Variants in CFAP61 observed in about 807,000 individuals in gnomAD.
The protein encoded by CFAP61 is cilia and flagella associated protein 61.
A neutral mutation model predicts 135.6 loss-of-function variants in CFAP61; 107 were observed. The ratio of observed to expected loss-of-function variants is 0.79; its 90% CI spans 0.67 to 0.93. CFAP61 has a LOEUF of 0.93. Among genes scored for constraint, CFAP61 ranks in the 40% least tolerant of loss-of-function variants. The pLI is 0.00. For synonymous variants in CFAP61, 575 were observed against 578.5 expected, an observed-to-expected ratio of 0.99 and a Z score of 0.09; for missense variants, 1,507 against 1,556.2, an observed-to-expected ratio of 0.97 and a Z score of 0.53.
At chr20:20,072,315 CTA>C (rs772714958) in intron 3 of CFAP61, among the ~76,000 whole-genome samples, 14 of 151,772 alleles carry the variant, frequency 9.2e-5, no homozygotes, top group Non-Finnish European at 1.9e-4. Context: ...CAGGGTTTCA[CTA>C]TGTTAGCCAG....
chr20:20,261,454 T>G (rs1421847958), intron 20 of CFAP61, among the ~76,000 whole-genome samples: 1 of 152,164 alleles, frequency 6.6e-6, no homozygotes, highest in Non-Finnish European at 1.5e-5. Flanking sequence ...AGACCCTGAG[T>G]GCAGCAAGCC....
intron 1 of CFAP61, among the ~76,000 whole-genome samples, chr20:20,054,013 G>GTTTTTTTT (rs1239349657): frequency 1.7e-5 from 1 of 59,102 alleles, no homozygotes; most frequent in Non-Finnish European, 3.5e-5. Flanking sequence ...TTTTTTGTTT[G>GTTTTTTTT]TTTTTTTTTT....
intron 20 of CFAP61, among the ~76,000 whole-genome samples, chr20:20,261,329 C>T (rs1051084282): frequency 6.6e-6 from 1 of 152,202 alleles, no homozygotes. Flanking sequence ...CCAGCATTTG[C>T]CTGCTTGTCA....
At chr20:20,117,198 G>A (rs1260094779) in intron 8 of CFAP61, among the ~76,000 whole-genome samples, 1 of 152,036 alleles carries the variant, frequency 6.6e-6, no homozygotes, top group Non-Finnish European at 1.5e-5. Flanking sequence ...TACAAAATTA[G>A]CCAGGTATAG....
chr20:20,207,751 T>A (rs2056921829), intron 17 of CFAP61, among the ~76,000 whole-genome samples: 1 of 152,246 alleles, frequency 6.6e-6, no homozygotes, highest in South Asian at 2.1e-4. Context: ...TCTATGTTTT[T>A]GGTAGAAATT....
intron 19 of CFAP61, among the ~76,000 whole-genome samples, chr20:20,247,037 C>T (rs1178626832): frequency 1.3e-5 from 2 of 152,158 alleles, no homozygotes; most frequent in African/African-American, 4.8e-5. Context: ...GGGTTTGAGC[C>T]AGGAGGATGT....
At chr20:20,183,563 T>C (rs2055276393) in intron 13 of CFAP61, among the ~76,000 whole-genome samples, 1 of 152,244 alleles carries the variant, frequency 6.6e-6, no homozygotes, top group African/African-American at 2.4e-5. Flanking sequence ...AGGAATACGC[T>C]GTGAGCCACA....
chr20:20,276,820 G>A (rs967799278), intron 21 of CFAP61, among the ~76,000 whole-genome samples: 4 of 152,176 alleles, frequency 2.6e-5, no homozygotes, highest in African/African-American at 9.6e-5. Flanking sequence ...AGTATACATT[G>A]CCAACATTAG....
At chr20:20,305,144 CG>C (rs1397304414) in intron 25 of CFAP61, among the ~76,000 whole-genome samples, 1 of 152,240 alleles carries the variant, frequency 6.6e-6, no homozygotes, top group Admixed American at 6.5e-5. Context: ...TCCCCGCACA[CG>C]CCGGTGGCCT....
rs558632439 is a variant in CFAP61, at chr20:20,077,600, A to G, written c.566+1985A>G. 2.8e-3 allele frequency among the ~76,000 whole-genome samples: 427 copies of G among 152,372 alleles called. 1 individual carries two copies. Among genetic ancestry groups the G allele is most frequent in the Non-Finnish European group, 4.8e-3 (328 of 68,038 alleles). On this transcript the variant is annotated intron_variant, in intron 6 of 26. Transcript: ENST00000245957. ...CATGTGCCTGAAGTGGTTGGGCTAC[A>G]GCTTGGTTTTATACATTTTAGGGAG...
At chr20:20,093,190 G>A (rs543249703) in intron 7 of CFAP61, among the ~76,000 whole-genome samples, 1 of 152,228 alleles carries the variant, frequency 6.6e-6, no homozygotes, top group East Asian at 1.9e-4. Context: ...AAAACATGAT[G>A]CTAAAGAAAA....
intron 25 of CFAP61, among the ~76,000 whole-genome samples, chr20:20,337,921 A>T (rs539276766): frequency 6.6e-6 from 1 of 152,292 alleles, no homozygotes; most frequent in South Asian, 2.1e-4. Context: ...AACTGAGCTG[A>T]CAGCTGCCAC....
At chr20:20,257,647 GA>G (rs2051745521) in intron 20 of CFAP61, among the ~76,000 whole-genome samples, 1 of 147,238 alleles carries the variant, frequency 6.8e-6, no homozygotes, top group Non-Finnish European at 1.5e-5. Flanking sequence ...AAAAGAAAAA[GA>G]AAGAAAGAAA....
At chr20:20,213,699 T>A (rs1339058431) in intron 17 of CFAP61, among the ~76,000 whole-genome samples, 1 of 152,218 alleles carries the variant, frequency 6.6e-6, no homozygotes, top group Non-Finnish European at 1.5e-5. Context: ...TCTGGGTGCA[T>A]TCTGTCACCC....
intron 8 of CFAP61, among the ~76,000 whole-genome samples, chr20:20,124,842 C>G (rs750569600): frequency 6.6e-6 from 1 of 151,788 alleles, no homozygotes; most frequent in Non-Finnish European, 1.5e-5. Context: ...GTGAATCTGT[C>G]TGGTCCTGGA....
Position 20,218,864 on chromosome 20 carries a change from A to G in CFAP61, c.1933-9385A>G, listed in dbSNP as rs6136963. Among the ~76,000 whole-genome samples the G allele has an allele frequency of 6.6e-4, 100 of 152,324 alleles. No individual in the cohort carries two copies. In the East Asian group the frequency reaches 0.014, roughly 21 times the overall value. On this transcript the variant is annotated intron_variant, in intron 17 of 26. Coordinates refer to ENST00000245957, the MANE Select transcript of CFAP61 (RefSeq NM_015585.4). ...TCAGGATACTGAATAGGTTATCTCA[A>G]TGCCCTCAGAATTGCTTCACACATT...
chr20:20,087,865 CA>C (rs1330321085), intron 6 of CFAP61, among the ~76,000 whole-genome samples: 2 of 146,590 alleles, frequency 1.4e-5, no homozygotes, highest in African/African-American at 5.5e-5. Context: ...TATGCTGTAT[CA>C]TTTTTTTTTT....
chr20:20,357,233 C>A (rs1371157156), intron 26 of CFAP61, among the ~76,000 whole-genome samples: 70 of 54,708 alleles, frequency 1.3e-3, no homozygotes, highest in African/African-American at 5.6e-3. Flanking sequence ...GGGGGTCATA[C>A]TGCGAGTGGA....
At chr20:20,165,421 A>G (rs1739624528) in intron 11 of CFAP61, among the ~76,000 whole-genome samples, 1 of 152,076 alleles carries the variant, frequency 6.6e-6, no homozygotes, top group Admixed American at 6.5e-5. Context: ...TTGACACCCA[A>G]CAGCAATCCA....
Sources: gnomAD v4.1 joint callset for allele counts (sites outside exome capture counted in the v4.1 genomes callset) on GRCh38, gnomAD v4.1.1 for gene constraint, MANE v1.5 for transcripts, NCBI Gene and HGNC (gene_info 2026-07-23, HGNC 2026-07-21) for gene names.